The following VWA8 variants were observed in gnomAD, a reference collection of about 807,000 sequenced individuals.
VWA8 encodes von Willebrand factor A domain-containing protein 8.
Under a neutral mutation model 241.5 loss-of-function variants are expected in VWA8, and 221 were observed. The observed-to-expected ratio is 0.91, with a 90% CI of 0.82 to 1.02. The LOEUF (loss-of-function observed/expected upper bound fraction) is 1.02, where lower values mean the gene tolerates loss of function less well. VWA8 is among the 50% of genes least tolerant of loss of function. VWA8 has a pLI of 0.00. For missense variants in VWA8, 2,322 were observed against 2,328.7 expected (o/e 1.00, Z 0.06); for synonymous variants, 852 against 827.1 (o/e 1.03, Z -0.52).
At position 41,719,607 on chromosome 13, in the gene VWA8, C is replaced by A; in HGVS notation, c.3100G>T (p.Val1034Leu). ...GIPIGAKPTS[V>L]QLAKELTLPE... ...TTGCCTTACTCCTTTGCCAGCTGCA[C>A]ACTGGTAGGCTTTGCTCCGATAGGT... Residue 1034 changes from valine to leucine, a missense_variant, in exon 26 of 45, where the codon GTG (valine) becomes TTG (leucine). Coordinates refer to ENST00000379310, the MANE Select transcript of VWA8 (RefSeq NM_015058.2). 1 of 1,612,976 alleles carries A rather than the reference C, an allele frequency of 6.2e-7. No individual in the cohort carries two copies. Among genetic ancestry groups the A allele is most frequent in the South Asian group, 1.1e-5 (1 of 91,030 alleles).
At chr13:41,675,688 C>G (rs2045055784) in intron 35 of VWA8, among the ~76,000 whole-genome samples, 1 of 152,080 alleles carries the variant, frequency 6.6e-6, no homozygotes, top group Admixed American at 6.5e-5. Flanking sequence ...GTAGGAAGTC[C>G]TGCTCCTGTC....
rs1331771113 is a variant in VWA8 at position 41,636,153 on chromosome 13, G to C, written c.4612-21069C>G. ...TATTAAGAACATCAGGGAGAACAAA[G>C]CTGGAGGCATCATGCTACCTGACTT... On this transcript the variant is annotated intron_variant, in intron 37 of 44. Transcript: ENST00000379310. Among the ~76,000 whole-genome samples the C allele has an allele frequency of 2.6e-5, 4 of 152,100 alleles. No individual in the cohort carries two copies. The East Asian group carries it at 5.8e-4, about 22-fold the overall frequency.
At chr13:41,847,247 A>G (rs1872328962) in intron 12 of VWA8, among the ~76,000 whole-genome samples, 1 of 152,136 alleles carries the variant, frequency 6.6e-6, no homozygotes. Context: ...GAAGAAAGGA[A>G]TAGAAGGACA....
intron 12 of VWA8, among the ~76,000 whole-genome samples, chr13:41,849,906 A>G (rs911983581): frequency 6.6e-6 from 1 of 152,036 alleles, no homozygotes; most frequent in Non-Finnish European, 1.5e-5. Context: ...AAAGAAAAGA[A>G]AAAGAAAACA....
At chr13:41,812,433 T>C (rs1870511038) in intron 16 of VWA8, among the ~76,000 whole-genome samples, 1 of 152,036 alleles carries the variant, frequency 6.6e-6, no homozygotes, top group Non-Finnish European at 1.5e-5. Flanking sequence ...CAGGTCAGTA[T>C]GAAATGTCAC....
chr13:41,642,562 CA>C (rs1156882566), intron 37 of VWA8, among the ~76,000 whole-genome samples: 151 of 61,586 alleles, frequency 2.5e-3, no homozygotes, highest in Admixed American at 3.5e-3. Flanking sequence ...CCGTCTCAAA[CA>C]AAAAAAAAAA....
chr13:41,842,245 G>A (rs939431617), intron 12 of VWA8, among the ~76,000 whole-genome samples: 12 of 152,104 alleles, frequency 7.9e-5, no homozygotes, highest in East Asian at 3.9e-4. Context: ...TGAACAGAAC[G>A]CAGGCATGCT....
chr13:41,939,510 C>T (rs920311110), intron 2 of VWA8, among the ~76,000 whole-genome samples: 1 of 152,118 alleles, frequency 6.6e-6, no homozygotes, highest in African/African-American at 2.4e-5. Flanking sequence ...TAATCCAACT[C>T]TCATGTCTAT....
intron 37 of VWA8, 150 bp downstream of exon 37, chr13:41,670,795 TG>T: frequency 2.2e-6 from 2 of 895,358 alleles, no homozygotes; most frequent in Non-Finnish European, 3.3e-6. Flanking sequence ...AATTTGTTTT[TG>T]TCTTTTTATT....
At chr13:41,655,701 A>G (rs2044899886) in intron 37 of VWA8, among the ~76,000 whole-genome samples, 1 of 152,186 alleles carries the variant, frequency 6.6e-6, no homozygotes, top group African/African-American at 2.4e-5. Flanking sequence ...CAAAGATTAG[A>G]AGATATTAGT....
At chr13:41,776,168 C>T (rs1379933012) in intron 20 of VWA8, among the ~76,000 whole-genome samples, 1 of 152,222 alleles carries the variant, frequency 6.6e-6, no homozygotes, top group African/African-American at 2.4e-5. Context: ...GGTCTATTCT[C>T]TTCTCCATGC....
At position 41,645,253 on chromosome 13, in the gene VWA8, G is replaced by C. The variant is rs972282780; in HGVS notation, c.4611+25693C>G. On this transcript the variant is annotated intron_variant, in intron 37 of 44. Coordinates refer to ENST00000379310, the MANE Select transcript of VWA8 (RefSeq NM_015058.2). ...CTATTATTTTAGGAGAGTGAAAAAG[G>C]TACTGCTTAGTACAAAACATTCATT... is the stretch of plus-strand genomic sequence containing the variant. Among the ~76,000 whole-genome samples, 3 of 152,166 alleles carry C rather than the reference G, an allele frequency of 2.0e-5. No homozygotes were observed. In the South Asian group the frequency reaches 6.2e-4, roughly 32 times the overall value.
intron 16 of VWA8, among the ~76,000 whole-genome samples, chr13:41,814,736 C>T (rs914886178): frequency 1.3e-5 from 2 of 152,138 alleles, no homozygotes; most frequent in African/African-American, 4.8e-5. Context: ...GAATACATTA[C>T]TAATCTCTAA....
At chr13:41,766,531 C>T (rs1447305765) in intron 20 of VWA8, among the ~76,000 whole-genome samples, 1 of 152,188 alleles carries the variant, frequency 6.6e-6, no homozygotes, top group African/African-American at 2.4e-5. Flanking sequence ...CAAACAAGTT[C>T]CTTTCAGCCA....
Position 41,709,816 on chromosome 13 carries a change from G to C in VWA8, c.3117-6405C>G, listed in dbSNP as rs947701294. Among the ~76,000 whole-genome samples the C allele has an allele frequency of 2.6e-4, 39 of 148,076 alleles. 1 individual carries two copies. The highest frequency in any genetic ancestry group is 9.3e-4 in the African/African-American group (37 of 39,868). On this transcript the variant is annotated intron_variant, in intron 26 of 44. Coordinates refer to ENST00000379310, the MANE Select transcript of VWA8 (RefSeq NM_015058.2). ...AAACAGGGTCTAGCTATGTTGCCCA[G>C]CTGGAGTGCAATGGCTATTCACAGG...
At chr13:41,935,704 T>G (rs1010940097) in intron 2 of VWA8, among the ~76,000 whole-genome samples, 2 of 151,620 alleles carry the variant, frequency 1.3e-5, no homozygotes, top group South Asian at 4.2e-4. Context: ...CTCCCACACT[T>G]CTCTCTAAAC....
chr13:41,884,601 C>A (rs1874423908), intron 8 of VWA8, among the ~76,000 whole-genome samples: 2 of 150,334 alleles, frequency 1.3e-5, no homozygotes, highest in Non-Finnish European at 3.0e-5. Flanking sequence ...GAAAAAAGCA[C>A]ATGCAAACAA....
intron 26 of VWA8, among the ~76,000 whole-genome samples, chr13:41,716,197 A>C (rs1437006634): frequency 6.6e-6 from 1 of 152,044 alleles, no homozygotes; most frequent in Non-Finnish European, 1.5e-5. Context: ...TTTGCAGATA[A>C]GGAAGAAGAG....
intron 1 of VWA8, among the ~76,000 whole-genome samples, chr13:41,957,659 G>A (rs1012263255): frequency 1.9e-4 from 29 of 152,064 alleles, no homozygotes; most frequent in African/African-American, 6.8e-4. Context: ...TAGGATTAAT[G>A]CTAAAAAGTT....
Sources: gnomAD v4.1 joint callset for allele counts (sites outside exome capture counted in the v4.1 genomes callset) on GRCh38, gnomAD v4.1.1 for gene constraint, MANE v1.5 for transcripts, NCBI Gene and HGNC (gene_info 2026-07-23, HGNC 2026-07-21) for gene names.